DAZAP2: variants seen among roughly 807,000 people sequenced by gnomAD.
The protein encoded by DAZAP2 is DAZ-associated protein 2.
A neutral mutation model predicts 16.2 loss-of-function variants in DAZAP2; 3 were observed. The ratio of observed to expected loss-of-function variants is 0.19; its 90% CI spans 0.08 to 0.48. DAZAP2 has a LOEUF of 0.48. DAZAP2 is among the 20% of genes least tolerant of loss of function. DAZAP2 has a pLI of 0.98. For synonymous variants in DAZAP2, 69 were observed against 77.6 expected (o/e 0.89, Z 0.58); for missense variants, 172 against 215.9 (o/e 0.80, Z 1.27).
intron 2 of DAZAP2, 187 bp downstream of exon 2, chr12:51,240,648 G>A: frequency 1.2e-6 from 1 of 844,496 alleles, no homozygotes; most frequent in South Asian, 1.8e-5. Context: ...TGTGTTATTT[G>A]GCACAGGCTA....
intron 1 of DAZAP2, 178 bp downstream of exon 1, chr12:51,239,098 TG>T: frequency 1.1e-6 from 1 of 870,166 alleles, no homozygotes; most frequent in Non-Finnish European, 1.7e-6. Flanking sequence ...TACGGCAGCT[TG>T]CTGCCTCCAG....
At chr12:51,246,281 T>C, downstream of DAZAP2, 2 of 997,488 alleles carry the variant, frequency 2.0e-6, no homozygotes, top group South Asian at 3.6e-5. Context: ...CAACCCCAAT[T>C]TCCATGGCAC....
At chr12:51,242,232 A>G (rs1157678932) in intron 3 of DAZAP2, 98 bp from the exon 4 acceptor site, 32 of 1,481,694 alleles carry the variant, frequency 2.2e-5, no homozygotes, top group Non-Finnish European at 2.9e-5. Context: ...GCAGCTGGTT[A>G]GCACATTGCC....
Position 51,238,831 on chromosome 12 carries a change from G to C in DAZAP2, c.-77G>C. ...AGGCGGACGGACCATCATGTGACAC[G>C]GAAGTAGCTCCGAACAGGAAGAGGA... is the stretch of plus-strand genomic sequence containing the variant. On this transcript the variant is annotated 5_prime_UTR_variant, in exon 1 of 4. Coordinates refer to ENST00000412716, the MANE Select transcript of DAZAP2 (RefSeq NM_014764.4). The C allele has an allele frequency of 1.2e-6, 2 of 1,609,458 alleles. No individual in the cohort carries two copies. The highest frequency in any genetic ancestry group is 1.7e-6 in the Non-Finnish European group (2 of 1,178,784).
rs959733520 is a variant in DAZAP2 at position 51,238,848 on chromosome 12, G to A, written c.-60G>A. On this transcript the variant is annotated 5_prime_UTR_variant, in exon 1 of 4. Transcript: ENST00000412716. ...TGTGACACGGAAGTAGCTCCGAACAGGAAGAGGACGAAAAAAATAACCGTC... is the reference window on the plus strand; with the variant it reads ...TGTGACACGGAAGTAGCTCCGAACAAGAAGAGGACGAAAAAAATAACCGTC... 30 of 1,611,886 alleles carry A rather than the reference G, an allele frequency of 1.9e-5. No individual in the cohort carries two copies. The highest frequency in any genetic ancestry group is 2.5e-5 in the Non-Finnish European group (29 of 1,179,642).
chr12:51,239,262 G>T (rs1276146538), intron 1 of DAZAP2: 4 of 297,260 alleles, frequency 1.3e-5, no homozygotes, highest in Non-Finnish European at 2.5e-5. Flanking sequence ...GGGGCGCCGC[G>T]CTCCGGAACC....
intron 3 of DAZAP2, 28 bp downstream of exon 3, chr12:51,241,144 C>A: frequency 6.2e-7 from 1 of 1,608,602 alleles, no homozygotes; most frequent in Non-Finnish European, 8.5e-7. Context: ...AGAAGAAACT[C>A]AGCCCTTGTG....
At chr12:51,239,182 G>C in intron 1 of DAZAP2, 1 of 504,444 alleles carries the variant, frequency 2.0e-6, no homozygotes, top group Non-Finnish European at 3.5e-6. Flanking sequence ...TTGACATGAT[G>C]GGCATCCGCA....
At position 51,238,855 on chromosome 12, in the gene DAZAP2, GA is replaced by G; in HGVS notation, c.-52del. 1 of 1,612,286 alleles carries G rather than the reference GA, an allele frequency of 6.2e-7. No individual in the cohort carries two copies. The highest frequency in any genetic ancestry group is 1.7e-4 in the Middle Eastern group (1 of 6,060). ...CGGAAGTAGCTCCGAACAGGAAGAG[GA>G]CGAAAAAAATAACCGTCCGCGACGC... On this transcript the variant is annotated 5_prime_UTR_variant, in exon 1 of 4. Transcript: ENST00000412716.
intron 2 of DAZAP2, 69 bp from the exon 3 acceptor site, chr12:51,240,802 G>A: frequency 1.9e-6 from 3 of 1,561,724 alleles, no homozygotes; most frequent in Non-Finnish European, 1.7e-6. Flanking sequence ...TTAAGAATTA[G>A]CTCATTAAAG....
downstream of DAZAP2, chr12:51,245,886 C>A: frequency 6.5e-7 from 1 of 1,549,352 alleles, no homozygotes; most frequent in South Asian, 1.2e-5. Flanking sequence ...CCATAATAAG[C>A]AGTCAACGTG....
intron 1 of DAZAP2, 136 bp from the exon 2 acceptor site, chr12:51,240,207 G>C: frequency 1.4e-6 from 1 of 704,776 alleles, no homozygotes; most frequent in Non-Finnish European, 2.5e-6. Flanking sequence ...CTTAGTTCCA[G>C]GAATCAGGCC....
At position 51,238,858 on chromosome 12, in the gene DAZAP2, G is replaced by C. The variant is rs763568519; in HGVS notation, c.-50G>C. The C allele has an allele frequency of 2.5e-6, 4 of 1,612,232 alleles. No homozygotes were observed. Among genetic ancestry groups the C allele is most frequent in the Admixed American group, 3.3e-5 (2 of 59,986 alleles). ...AAGTAGCTCCGAACAGGAAGAGGAC[G>C]AAAAAAATAACCGTCCGCGACGCCG... On this transcript the variant is annotated 5_prime_UTR_variant, in exon 1 of 4. Coordinates refer to ENST00000412716, the MANE Select transcript of DAZAP2 (RefSeq NM_014764.4).
At chr12:51,242,181 C>T (rs1944689251) in intron 3 of DAZAP2, 149 bp from the exon 4 acceptor site, 2 of 1,136,338 alleles carry the variant, frequency 1.8e-6, no homozygotes, top group Admixed American at 2.5e-5. Context: ...TATAGACCTA[C>T]TTTAGAACTC....
chr12:51,241,169 G>C (rs1944669297), intron 3 of DAZAP2, 53 bp downstream of exon 3: 1 of 1,593,622 alleles, frequency 6.3e-7, no homozygotes, highest in Non-Finnish European at 8.6e-7. Flanking sequence ...TTAACTTTCT[G>C]AAATGACTTC....
downstream of DAZAP2, chr12:51,245,915 A>G (rs1008545204): frequency 6.2e-7 from 1 of 1,602,670 alleles, no homozygotes; most frequent in African/African-American, 1.3e-5. Context: ...GGAGCCAGGA[A>G]TAAGCTCCTT....
intron 2 of DAZAP2, 25 bp from the exon 3 acceptor site, chr12:51,240,846 T>C (rs1246640934): frequency 6.2e-7 from 1 of 1,605,448 alleles, no homozygotes; most frequent in African/African-American, 1.3e-5. Flanking sequence ...AAGTAACATT[T>C]TGCCTTCTCT....
chr12:51,239,162 G>T (rs1182606179), intron 1 of DAZAP2: 6 of 553,502 alleles, frequency 1.1e-5, no homozygotes, highest in African/African-American at 2.0e-5. Flanking sequence ...GGCTCGGGTG[G>T]TGGGGGGGCT....
chr12:51,246,689 C>A (rs1281951923), downstream of DAZAP2: 1 of 1,343,528 alleles, frequency 7.4e-7, no homozygotes, highest in Non-Finnish European at 1.0e-6. Flanking sequence ...TGGTCAGGCT[C>A]CCTCTGGAGA....
Sources: allele counts gnomAD v4.1 joint callset, GRCh38; gene constraint gnomAD v4.1.1; transcripts MANE v1.5; gene names NCBI Gene and HGNC (gene_info 2026-07-23, HGNC 2026-07-21).